Variants in GRK3 observed in about 807,000 individuals in gnomAD.
GRK3 encodes G protein-coupled receptor kinase 3, also known as adrenergic, beta, receptor kinase 2.
A neutral mutation model predicts 95.7 loss-of-function variants in GRK3; 54 were observed. That is an observed-to-expected ratio of 0.56 (90% confidence interval 0.45 to 0.71). The LOEUF (loss-of-function observed/expected upper bound fraction) is 0.71, where lower values mean the gene tolerates loss of function less well. Among genes scored for constraint, GRK3 ranks in the 30% least tolerant of loss-of-function variants. The pLI, the probability that GRK3 is intolerant of heterozygous loss-of-function variation, is 0.00. For synonymous variants in GRK3, 281 were observed against 290.8 expected, an observed-to-expected ratio of 0.97 and a Z score of 0.34; for missense variants, 649 against 851.2, an observed-to-expected ratio of 0.76 and a Z score of 2.96.
chr22:25,591,254 G>A (rs1010455816), intron 1 of GRK3, among the ~76,000 whole-genome samples: 9 of 152,186 alleles, frequency 5.9e-5, no homozygotes, highest in Non-Finnish European at 1.5e-5. Context: ...TAGCAAAATG[G>A]AAGAGGTACA....
chr22:25,599,933 A>G (rs539911389), intron 1 of GRK3, among the ~76,000 whole-genome samples: 2 of 152,284 alleles, frequency 1.3e-5, no homozygotes, highest in Admixed American at 1.3e-4. Flanking sequence ...GCCACAACAG[A>G]AGGTGGTTTG....
At chr22:25,688,498 A>G (rs2085140075) in intron 11 of GRK3, among the ~76,000 whole-genome samples, 1 of 152,130 alleles carries the variant, frequency 6.6e-6, no homozygotes, top group Admixed American at 6.5e-5. Flanking sequence ...CAGCCTGCGG[A>G]ATTTCTCTCA....
chr22:25,686,425 G>A (rs2085114824), intron 10 of GRK3, among the ~76,000 whole-genome samples: 1 of 152,146 alleles, frequency 6.6e-6, no homozygotes, highest in African/African-American at 2.4e-5. Context: ...TGGGGGTAAG[G>A]TCTTGACTGA....
At position 25,648,924 on chromosome 22, in the gene GRK3, C is replaced by G. The variant is rs78263791; in HGVS notation, c.264+4259C>G. On this transcript the variant is annotated intron_variant, in intron 3 of 20. Transcript: ENST00000324198. ...AGAATTTCCAATCAAATGGACAGCTCCTGAAGTTGCACTGTATGGTGGGTT... is the reference window on the plus strand; with the variant it reads ...AGAATTTCCAATCAAATGGACAGCTGCTGAAGTTGCACTGTATGGTGGGTT... The G allele has an allele frequency of 1.6e-3, 1,378 of 879,048 alleles. 14 individuals are homozygous for G. In the African/African-American group the frequency reaches 0.018, roughly 12 times the overall value. 54.5% of individuals were successfully genotyped at this position (879,048 alleles called of 1,614,324 possible). A position where few individuals can be genotyped will look rare whatever the true frequency, so the allele number is the denominator to read the frequency against.
rs1337538049 is a variant in GRK3, at chr22:25,727,835, T to A, written c.*5385T>A. 1 of 152,218 alleles carries A rather than the reference T, an allele frequency of 6.6e-6. No homozygotes were observed. The highest frequency in any genetic ancestry group is 1.5e-5 in the Non-Finnish European group (1 of 68,034). 9.4% of individuals were successfully genotyped at this position (152,218 alleles called of 1,614,324 possible). On this transcript the variant is annotated 3_prime_UTR_variant, in exon 21 of 21. Coordinates refer to ENST00000324198, the MANE Select transcript of GRK3 (RefSeq NM_005160.4). ...AAGAACTTGAAATTTACTTTCTTAG[T>A]TGATTATATTAAATGATGTATATAT...
intron 2 of GRK3, among the ~76,000 whole-genome samples, chr22:25,642,132 G>A (rs888317758): frequency 2.0e-5 from 3 of 152,270 alleles, no homozygotes; most frequent in African/African-American, 7.2e-5. Context: ...TGTTGATGAT[G>A]GATAGAATAA....
intron 17 of GRK3, among the ~76,000 whole-genome samples, chr22:25,711,886 C>T (rs1401614816): frequency 6.6e-6 from 1 of 152,206 alleles, no homozygotes; most frequent in Non-Finnish European, 1.5e-5. Context: ...TAGCTTCCTT[C>T]TCCAGAAGGC....
At chr22:25,578,776 C>T (rs1437456294) in intron 1 of GRK3, among the ~76,000 whole-genome samples, 2 of 152,076 alleles carry the variant, frequency 1.3e-5, no homozygotes, top group East Asian at 1.9e-4. Flanking sequence ...CATGTGAGAC[C>T]GCAGTCCTAC....
At chr22:25,676,672 C>G (rs1448286584) in intron 8 of GRK3, among the ~76,000 whole-genome samples, 1 of 146,586 alleles carries the variant, frequency 6.8e-6, no homozygotes, top group Non-Finnish European at 1.5e-5. Flanking sequence ...GCCTGAGTGA[C>G]AGAGCGAGAC....
chr22:25,614,162 C>T (rs931732251), intron 2 of GRK3, among the ~76,000 whole-genome samples: 4 of 152,046 alleles, frequency 2.6e-5, no homozygotes, highest in African/African-American at 9.7e-5. Context: ...GGGTCTCATT[C>T]TGTGGCCCAG....
intron 2 of GRK3, among the ~76,000 whole-genome samples, chr22:25,638,186 C>A (rs1051098140): frequency 6.6e-6 from 1 of 152,192 alleles, no homozygotes; most frequent in African/African-American, 2.4e-5. Flanking sequence ...ATGGAAGATG[C>A]ATTGACTCTT....
At chr22:25,603,441 A>G (rs2084422894) in intron 1 of GRK3, among the ~76,000 whole-genome samples, 1 of 152,186 alleles carries the variant, frequency 6.6e-6, no homozygotes, top group South Asian at 2.1e-4. Flanking sequence ...ATTATATGTC[A>G]AAGTTGAATG....
At position 25,690,224 on chromosome 22, in the gene GRK3, A is replaced by C. The variant is rs988230054; in HGVS notation, c.993A>C (p.Ala331=). 6.2e-6 allele frequency: 10 copies of C among 1,614,136 alleles called. No homozygotes were observed. Among genetic ancestry groups the C allele is most frequent in the Middle Eastern group, 3.3e-4 (2 of 6,062 alleles). Residue 331 remains alanine, a synonymous_variant, in exon 12 of 21, where the codon GCA becomes GCC. Coordinates refer to ENST00000324198, the MANE Select transcript of GRK3 (RefSeq NM_005160.4). ...TTCTCTTGGATGAACATGGACACGC[A>C]AGAATATCAGATCTTGGTCTTGCCT... ...ANILLDEHGH[A]RISDLGLACD... is the part of the protein sequence containing the mutation.
chr22:25,656,575 C>G (rs202148190), intron 3 of GRK3, among the ~76,000 whole-genome samples: 3 of 152,278 alleles, frequency 2.0e-5, no homozygotes, highest in East Asian at 3.9e-4. Context: ...GATCCTCCCC[C>G]CATAGCCTCC....
At chr22:25,667,024 A>G (rs2084946688) in intron 5 of GRK3, among the ~76,000 whole-genome samples, 1 of 152,192 alleles carries the variant, frequency 6.6e-6, no homozygotes. Context: ...TGAGGGGAAG[A>G]GCACTGTGCA....
intron 6 of GRK3, among the ~76,000 whole-genome samples, chr22:25,670,947 G>A (rs1165136924): frequency 1.3e-5 from 2 of 149,920 alleles, no homozygotes; most frequent in South Asian, 2.1e-4. Flanking sequence ...CCAGCTACTC[G>A]GGAGGCCGAG....
chr22:25,673,481 G>A (rs1247743487), intron 7 of GRK3, among the ~76,000 whole-genome samples: 1 of 150,704 alleles, frequency 6.6e-6, no homozygotes, highest in Admixed American at 6.6e-5. Context: ...GGATTTAGAA[G>A]CAAGAGGCAA....
At chr22:25,610,187 G>C (rs115264471) in intron 2 of GRK3, among the ~76,000 whole-genome samples, 2,754 of 152,220 alleles carry the variant, frequency 0.018, 82 homozygotes, top group African/African-American at 0.062. Flanking sequence ...ACTTGTCCAG[G>C]TGTGGTGGCT....
chr22:25,603,750 C>T (rs1450713358), intron 1 of GRK3, among the ~76,000 whole-genome samples: 26 of 152,138 alleles, frequency 1.7e-4, no homozygotes, highest in Non-Finnish European at 2.9e-5. Context: ...TGTGGTATAT[C>T]TTCCTATTTA....
Sources: allele counts gnomAD v4.1 joint callset (sites outside exome capture counted in the v4.1 genomes callset), GRCh38; gene constraint gnomAD v4.1.1; transcripts MANE v1.5; gene names NCBI Gene and HGNC (gene_info 2026-07-23, HGNC 2026-07-21).